The following AFF4 variants were observed in gnomAD, a reference collection of about 807,000 sequenced individuals.
AFF4 encodes the protein ALF transcription elongation factor 4.
A neutral mutation model predicts 124.8 loss-of-function variants in AFF4; 13 were observed. The ratio of observed to expected loss-of-function variants is 0.10; its 90% confidence interval spans 0.07 to 0.17. AFF4 has a LOEUF of 0.17. Ranked by LOEUF, AFF4 falls within the 10% of genes least tolerant of loss-of-function variation. AFF4 has a pLI of 1.00. For missense variants in AFF4, 1,092 were observed against 1,403.8 expected, an observed-to-expected ratio of 0.78 and a Z score of 3.55; for synonymous variants, 477 against 496.1, an observed-to-expected ratio of 0.96 and a Z score of 0.51.
chr5:132,945,773 T>TA (rs1761683096), intron 1 of AFF4, among the ~76,000 whole-genome samples: 1 of 146,764 alleles, frequency 6.8e-6, no homozygotes, highest in Admixed American at 6.8e-5. Context: ...AAAATAAAAA[T>TA]AAACAGGCCG....
At chr5:132,908,843 T>C (rs778225478) in intron 5 of AFF4, among the ~76,000 whole-genome samples, 6 of 149,488 alleles carry the variant, frequency 4.0e-5, no homozygotes, top group Non-Finnish European at 5.9e-5. Context: ...TGATTTCGGC[T>C]CTCTGCCACC....
intron 2 of AFF4, among the ~76,000 whole-genome samples, chr5:132,935,770 A>C (rs1419754190): frequency 6.6e-6 from 1 of 151,652 alleles, no homozygotes; most frequent in African/African-American, 2.4e-5. Context: ...AAAAAAAAAA[A>C]AAACTAGCCC....
At chr5:132,918,502 A>G (rs1760967838) in intron 5 of AFF4, among the ~76,000 whole-genome samples, 1 of 152,158 alleles carries the variant, frequency 6.6e-6, no homozygotes, top group Non-Finnish European at 1.5e-5. Flanking sequence ...TCTCTACTAA[A>G]AATATAAAAA....
At chr5:132,902,613 G>A in intron 6 of AFF4, 126 bp from the exon 7 acceptor site, 1 of 740,968 alleles carries the variant, frequency 1.3e-6, no homozygotes, top group Non-Finnish European at 2.3e-6. Flanking sequence ...CACCAAACTG[G>A]TAACACCTTC....
At chr5:132,925,217 G>A (rs1447859270) in intron 5 of AFF4, among the ~76,000 whole-genome samples, 1 of 150,892 alleles carries the variant, frequency 6.6e-6, no homozygotes, top group Non-Finnish European at 1.5e-5. Flanking sequence ...AAATACCGGT[G>A]CATTTTGTAT....
chr5:132,941,078 A>G (rs550895447), intron 1 of AFF4, among the ~76,000 whole-genome samples: 1 of 151,772 alleles, frequency 6.6e-6, no homozygotes. Context: ...TATAGTGCTT[A>G]TTCTCTATTT....
At chr5:132,933,974 C>T (rs1026168315) in intron 3 of AFF4, among the ~76,000 whole-genome samples, 173 bp downstream of exon 3, 2 of 152,182 alleles carry the variant, frequency 1.3e-5, no homozygotes, top group Non-Finnish European at 2.9e-5. Context: ...AACAGATCTA[C>T]GCATCCACTT....
In AFF4 at chr5:132,898,245, C is replaced by T. The variant is rs1760460659; in HGVS notation, c.1374G>A (p.Gln458=). The T allele has an allele frequency of 6.2e-7, 1 of 1,614,084 alleles. No homozygotes were observed. The highest frequency in any genetic ancestry group is 1.1e-5 in the South Asian group (1 of 91,088). Residue 458 remains glutamine, a synonymous_variant, in exon 10 of 21, where the codon CAG becomes CAA. Transcript: ENST00000265343. ...SSDSEANEPS[Q]SASPEPEPPP... is the part of the protein sequence containing the mutation. ...TCTGTCTCACCTCGGGAGATGCACTCTGGGATGGCTCATTTGCCTCACTGT... is the reference window on the plus strand; with the variant it reads ...TCTGTCTCACCTCGGGAGATGCACTTTGGGATGGCTCATTTGCCTCACTGT...
rs1390202959 is a variant in AFF4, at chr5:132,880,352, T to C, written c.*707A>G. On this transcript the variant is annotated 3_prime_UTR_variant, in exon 21 of 21. Coordinates refer to ENST00000265343, the MANE Select transcript of AFF4 (RefSeq NM_014423.4). ...TCACTGTGTGATTGCTGTAGTGTTA[T>C]TAACACACATTCACAGTTTTTGAAA... 7.5e-6 allele frequency: 3 copies of C among 398,972 alleles called. No homozygotes were observed. Among genetic ancestry groups the C allele is most frequent in the Non-Finnish European group, 1.3e-5 (3 of 226,012 alleles). The allele number at this position is 398,972 out of a possible 1,614,324, so 24.7% of individuals were successfully genotyped here. A position where few individuals can be genotyped will look rare whatever the true frequency, so the allele number is the denominator to read the frequency against.
At position 132,892,285 on chromosome 5, in the gene AFF4, G is replaced by T; in HGVS notation, c.2516C>A (p.Ser839Tyr). Residue 839 changes from serine to tyrosine, a missense_variant, in exon 13 of 21, where the codon TCT (serine) becomes TAT (tyrosine). Physicochemically the swap from Ser to Tyr is moderately radical, Grantham distance 144. This residue lies in a region of AFF4 where 293 missense variants were observed against 280.2 expected (regional missense o/e 1.05). Coordinates refer to ENST00000265343, the MANE Select transcript of AFF4 (RefSeq NM_014423.4). ...GSRKRTISQS[S>Y]SLKSSSNSNK... Reference sequence around the variant, plus strand: ...GCTGTTACTGCTTGACTTTAAGGAAGAAGACTGACTAATAGTCCTCTTCCG... The same window carrying T: ...GCTGTTACTGCTTGACTTTAAGGAATAAGACTGACTAATAGTCCTCTTCCG... 1 of 1,614,094 alleles carries T rather than the reference G, an allele frequency of 6.2e-7. No individual in the cohort carries two copies. The highest frequency in any genetic ancestry group is 8.5e-7 in the Non-Finnish European group (1 of 1,180,038).
At chr5:132,910,715 G>T (rs1760776005) in intron 5 of AFF4, among the ~76,000 whole-genome samples, 1 of 152,204 alleles carries the variant, frequency 6.6e-6, no homozygotes, top group African/African-American at 2.4e-5. Flanking sequence ...TGTTACTTGA[G>T]TATATACATC....
chr5:132,909,566 TAGAG>T (rs902944891), intron 5 of AFF4, among the ~76,000 whole-genome samples: 39 of 152,222 alleles, frequency 2.6e-4, no homozygotes, highest in Non-Finnish European at 4.1e-4. Flanking sequence ...GTGTGTGAGA[TAGAG>T]AGATTAAAAA....
In AFF4 at chr5:132,887,872, C is replaced by T; in HGVS notation, c.2907G>A (p.Met969Ile). 1 of 1,613,822 alleles carries T rather than the reference C, an allele frequency of 6.2e-7. No homozygotes were observed. Among genetic ancestry groups the T allele is most frequent in the Non-Finnish European group, 8.5e-7 (1 of 1,179,930 alleles). The part of the protein sequence containing the change: ...NAQESKSPFP[M>I]YSETVDLIKY... ...TGATGAGATCCACCGTCTCTGAATA[C>T]ATAGGGAATGGGGATTTGGATTCCT... The change falls in exon 16 of 21, where the codon ATG becomes ATA. Residue 969 changes from methionine (M) to isoleucine (I), a missense_variant. By Grantham distance (10) the Met-to-Ile change is conservative. This residue lies in a region of AFF4 where 173 missense variants were observed against 294.9 expected (regional missense o/e 0.59). Coordinates refer to ENST00000265343, the MANE Select transcript of AFF4 (RefSeq NM_014423.4).
intron 1 of AFF4, among the ~76,000 whole-genome samples, chr5:132,946,392 G>A (rs189378245): frequency 7.9e-5 from 12 of 152,246 alleles, no homozygotes; most frequent in East Asian, 1.9e-4. Context: ...TCACAATAGC[G>A]AAAAGATGGA....
At chr5:132,895,608 T>A (rs938690835) in intron 11 of AFF4, among the ~76,000 whole-genome samples, 3 of 152,256 alleles carry the variant, frequency 2.0e-5, no homozygotes, top group Non-Finnish European at 4.4e-5. Flanking sequence ...AAACTTTACA[T>A]TCTCCTGTAA....
chr5:132,934,108 C>T lies in AFF4; in HGVS notation c.918+39G>A, dbSNP rs373843339. 1.5e-5 allele frequency: 23 copies of T among 1,567,006 alleles called. 1 individual carries two copies. Among genetic ancestry groups the T allele is most frequent in the Admixed American group, 1.8e-5 (1 of 55,898 alleles). On this transcript the variant is annotated intron_variant, in intron 3 of 20. Transcript: ENST00000265343. ...ATTTCATGATCAGTCAATTGCTTCA[C>T]GTAGTCACAATGTTAAAAGCTCTAA...
intron 12 of AFF4, 77 bp downstream of exon 12, chr5:132,892,953 C>T (rs1048193375): frequency 4.5e-6 from 6 of 1,345,372 alleles, no homozygotes; most frequent in Admixed American, 3.4e-5. Flanking sequence ...ACACTCAGAG[C>T]ATGTCAGAAA....
intron 13 of AFF4, among the ~76,000 whole-genome samples, chr5:132,891,270 T>A (rs571397987): frequency 6.6e-6 from 1 of 152,226 alleles, no homozygotes; most frequent in Non-Finnish European, 1.5e-5. Flanking sequence ...ATTTGAGAAG[T>A]TCTTAATTAA....
chr5:132,910,168 A>C (rs564067155), intron 5 of AFF4, among the ~76,000 whole-genome samples: 1 of 152,374 alleles, frequency 6.6e-6, no homozygotes, highest in South Asian at 2.1e-4. Flanking sequence ...ATCAATCTTT[A>C]GTAAGTTTTA....
Sources: gnomAD v4.1 joint callset for allele counts (sites outside exome capture counted in the v4.1 genomes callset) on GRCh38, gnomAD v4.1.1 for gene constraint, gnomAD v4.1.1 regional missense constraint, MANE v1.5 for transcripts, NCBI Gene and HGNC (gene_info 2026-07-23, HGNC 2026-07-21) for gene names.